The following MRPS9 variants were observed in gnomAD, a reference collection of about 807,000 sequenced individuals.
MRPS9 encodes mitochondrial ribosomal protein S9, also known as small ribosomal subunit protein uS9m.
A neutral mutation model predicts 59.9 loss-of-function variants in MRPS9; 45 were observed. The observed-to-expected ratio is 0.75, with a 90% confidence interval of 0.59 to 0.96. MRPS9 has a LOEUF of 0.96. Among genes scored for constraint, MRPS9 ranks in the 40% least tolerant of loss-of-function variants. The pLI is 0.00. For synonymous variants in MRPS9, 171 were observed against 166.8 expected (o/e 1.03, Z -0.19); for missense variants, 473 against 481.1 (o/e 0.98, Z 0.16).
chr2:105,051,002 T>C (rs1679701665), intron 2 of MRPS9, among the ~76,000 whole-genome samples: 1 of 152,240 alleles, frequency 6.6e-6, no homozygotes, highest in Admixed American at 6.5e-5. Context: ...TTGATGGGCA[T>C]TTGGATTTCC....
chr2:105,080,162 T>C, intron 5 of MRPS9, 100 bp downstream of exon 5: 1 of 726,940 alleles, frequency 1.4e-6, no homozygotes. Flanking sequence ...TAGTATTTTA[T>C]AATTGACAAA....
intron 2 of MRPS9, among the ~76,000 whole-genome samples, chr2:105,058,438 T>G (rs961980213): frequency 6.6e-6 from 1 of 152,204 alleles, no homozygotes; most frequent in African/African-American, 2.4e-5. Context: ...TACTTTGATT[T>G]AAGTCTAAGA....
intron 9 of MRPS9, among the ~76,000 whole-genome samples, chr2:105,096,096 GT>G (rs1383464885): frequency 6.6e-6 from 1 of 151,986 alleles, no homozygotes; most frequent in Admixed American, 6.6e-5. Context: ...GTTTTTTGTT[GT>G]TGTAGGAGTT....
At chr2:105,050,933 T>A (rs1211076311) in intron 2 of MRPS9, among the ~76,000 whole-genome samples, 2 of 152,224 alleles carry the variant, frequency 1.3e-5, no homozygotes, top group African/African-American at 4.8e-5. Flanking sequence ...ACTTCCTTTT[T>A]ATTACTGAAT....
rs781462761 is a variant in MRPS9, at chr2:105,092,478, G to T, written c.729G>T (p.Arg243Ser). The T allele has an allele frequency of 6.2e-7, 1 of 1,613,908 alleles. No homozygotes were observed. Among genetic ancestry groups the T allele is most frequent in the Non-Finnish European group, 8.5e-7 (1 of 1,179,914 alleles). ...CTGCTGAGGAAGAATTTGTGCAGAG[G>T]TTTCGAAGAAGTGTAACTCTTGAAT... is the stretch of plus-strand genomic sequence containing the variant. ...CGAAEEEFVQ[R>S]FRRSVTLESK... The change falls in exon 8 of 11, where the codon AGG becomes AGT. Residue 243 changes from arginine (R) to serine (S), a missense_variant. Arg to Ser is a moderately radical substitution (Grantham distance 110). Coordinates refer to ENST00000258455, the MANE Select transcript of MRPS9 (RefSeq NM_182640.3).
chr2:105,097,412 G>A, intron 10 of MRPS9, 88 bp downstream of exon 10: 1 of 1,200,032 alleles, frequency 8.3e-7, no homozygotes, highest in Non-Finnish European at 1.1e-6. Context: ...AAGTTCGTAA[G>A]AAAATATATA....
At chr2:105,050,046 A>G (rs751378613) in intron 2 of MRPS9, among the ~76,000 whole-genome samples, 11 of 152,168 alleles carry the variant, frequency 7.2e-5, no homozygotes, top group Non-Finnish European at 1.2e-4. Flanking sequence ...TTTAATTTCA[A>G]TCTTTCTGTA....
At chr2:105,057,799 A>G (rs1679822237) in intron 2 of MRPS9, among the ~76,000 whole-genome samples, 1 of 152,202 alleles carries the variant, frequency 6.6e-6, no homozygotes, top group Non-Finnish European at 1.5e-5. Flanking sequence ...CCATTGAAGC[A>G]TGTAGTTGTT....
At chr2:105,093,792 AT>A (rs1028623056) in intron 9 of MRPS9, among the ~76,000 whole-genome samples, 154 bp downstream of exon 9, 2 of 152,294 alleles carry the variant, frequency 1.3e-5, no homozygotes, top group South Asian at 2.1e-4. Context: ...AATTGAAGCT[AT>A]TTTTTAAAGC....
intron 2 of MRPS9, among the ~76,000 whole-genome samples, chr2:105,065,679 T>C (rs949282307): frequency 2.0e-5 from 3 of 152,212 alleles, no homozygotes; most frequent in Non-Finnish European, 4.4e-5. Context: ...CTTCCTTTCT[T>C]TTGAACTCTG....
At chr2:105,066,845 G>C (rs1254513194) in intron 2 of MRPS9, among the ~76,000 whole-genome samples, 1 of 151,950 alleles carries the variant, frequency 6.6e-6, no homozygotes, top group Non-Finnish European at 1.5e-5. Flanking sequence ...GGCTAGTGTT[G>C]GCTTTGCTGA....
chr2:105,045,863 T>C (rs1435548934), intron 1 of MRPS9, among the ~76,000 whole-genome samples: 1 of 151,948 alleles, frequency 6.6e-6, no homozygotes, highest in African/African-American at 2.4e-5. Flanking sequence ...ACTTAAAATT[T>C]TTTTCTCTAA....
intron 2 of MRPS9, among the ~76,000 whole-genome samples, chr2:105,069,181 ACTT>A (rs1183279005): frequency 6.7e-6 from 1 of 149,196 alleles, no homozygotes; most frequent in Non-Finnish European, 1.5e-5. Context: ...TGAGCCATAT[ACTT>A]CTTTTACAAA....
chr2:105,097,010 G>A, intron 9 of MRPS9, 145 bp from the exon 10 acceptor site: 3 of 742,368 alleles, frequency 4.0e-6, no homozygotes, highest in Non-Finnish European at 5.8e-6. Context: ...TCTATATCTT[G>A]GTAAAATGGA....
At chr2:105,089,791 A>T in intron 6 of MRPS9, 129 bp from the exon 7 acceptor site, 1 of 537,384 alleles carries the variant, frequency 1.9e-6, no homozygotes, top group Non-Finnish European at 3.2e-6. Context: ...TTAGTTGGGT[A>T]AAATTACTGC....
intron 9 of MRPS9, among the ~76,000 whole-genome samples, chr2:105,094,894 A>G (rs2104470729): frequency 6.6e-6 from 1 of 152,226 alleles, no homozygotes; most frequent in Non-Finnish European, 1.5e-5. Context: ...TGATCTCATA[A>G]TGAAATTACA....
chr2:105,071,758 A>C (rs1680120316), intron 4 of MRPS9, among the ~76,000 whole-genome samples: 1 of 152,116 alleles, frequency 6.6e-6, no homozygotes, highest in South Asian at 2.1e-4. Context: ...TTTGAGGGAG[A>C]GTTTGGTACA....
chr2:105,094,081 G>C (rs997651117), intron 9 of MRPS9, among the ~76,000 whole-genome samples: 3 of 152,080 alleles, frequency 2.0e-5, no homozygotes, highest in Non-Finnish European at 4.4e-5. Flanking sequence ...ATTTCTTGTG[G>C]CTTGTGTATG....
intron 4 of MRPS9, among the ~76,000 whole-genome samples, chr2:105,074,202 G>A (rs1309111831): frequency 1.3e-5 from 2 of 152,040 alleles, no homozygotes; most frequent in African/African-American, 2.4e-5. Context: ...AATTAAGAAA[G>A]ACTGAATATA....
Sources: allele counts gnomAD v4.1 joint callset (sites outside exome capture counted in the v4.1 genomes callset), GRCh38; gene constraint gnomAD v4.1.1; transcripts MANE v1.5; gene names NCBI Gene and HGNC (gene_info 2026-07-23, HGNC 2026-07-21).